Variants in ADGRL3 observed in about 807,000 individuals in gnomAD.
ADGRL3 encodes the protein adhesion G protein-coupled receptor L3.
ADGRL3 carries 62 observed loss-of-function variants against 153.5 expected under a neutral mutation model. The observed-to-expected ratio is 0.40, with a 90% CI of 0.33 to 0.50. ADGRL3 has a LOEUF of 0.50. ADGRL3 is among the 20% of genes least tolerant of loss of function. ADGRL3 has a pLI of 0.47. For synonymous variants in ADGRL3, 710 were observed against 672.5 expected, an observed-to-expected ratio of 1.06 and a Z score of -0.86; for missense variants, 1,641 against 1,859.4, an observed-to-expected ratio of 0.88 and a Z score of 2.16.
chr4:61,456,425 ATATC>A (rs1401075141), intron 2 of ADGRL3, among the ~76,000 whole-genome samples: 8 of 59,314 alleles, frequency 1.3e-4, no homozygotes, highest in East Asian at 8.6e-4. Flanking sequence ...AGATATATCT[ATATC>A]TATATATATA....
chr4:61,522,178 G>C (rs2098535391), intron 4 of ADGRL3, among the ~76,000 whole-genome samples: 1 of 152,026 alleles, frequency 6.6e-6, no homozygotes, highest in South Asian at 2.1e-4. Context: ...TCAGTTCTTA[G>C]TACAATGTTC....
intron 5 of ADGRL3, among the ~76,000 whole-genome samples, chr4:61,612,415 G>T (rs2091474903): frequency 6.6e-6 from 1 of 152,106 alleles, no homozygotes; most frequent in African/African-American, 2.4e-5. Context: ...ATGGTGAAAA[G>T]AATGATAGTT....
At chr4:61,865,622 A>C (rs911323470) in intron 9 of ADGRL3, among the ~76,000 whole-genome samples, 1 of 152,168 alleles carries the variant, frequency 6.6e-6, no homozygotes, top group Non-Finnish European at 1.5e-5. Context: ...AAATTTCTGA[A>C]CTTCATTTAA....
chr4:61,389,328 T>C (rs554000201), intron 2 of ADGRL3, among the ~76,000 whole-genome samples: 1 of 152,308 alleles, frequency 6.6e-6, no homozygotes, highest in South Asian at 2.1e-4. Flanking sequence ...AAATCAGGAA[T>C]GAGTCGCAGG....
chr4:61,205,836 T>A (rs1417669668), intron 1 of ADGRL3, among the ~76,000 whole-genome samples: 1 of 152,172 alleles, frequency 6.6e-6, no homozygotes, highest in Non-Finnish European at 1.5e-5. Flanking sequence ...GTGAGCATGC[T>A]TGTAAATAGC....
At chr4:61,977,691 A>C (rs2099053006) in intron 17 of ADGRL3, among the ~76,000 whole-genome samples, 1 of 152,206 alleles carries the variant, frequency 6.6e-6, no homozygotes, top group Non-Finnish European at 1.5e-5. Flanking sequence ...GCTTACTTCT[A>C]AGAATTTCCA....
intron 9 of ADGRL3, among the ~76,000 whole-genome samples, chr4:61,870,824 A>C (rs1055737163): frequency 4.6e-5 from 7 of 152,188 alleles, no homozygotes; most frequent in African/African-American, 1.7e-4. Flanking sequence ...AGAAATTGGA[A>C]CACTTACACA....
At chr4:62,048,414 C>T (rs1050184257) in intron 25 of ADGRL3, among the ~76,000 whole-genome samples, 2 of 151,950 alleles carry the variant, frequency 1.3e-5, no homozygotes, top group African/African-American at 4.8e-5. Context: ...AGACACACAC[C>T]ACCACACCCG....
chr4:61,536,106 A>T (rs539667594), intron 4 of ADGRL3, among the ~76,000 whole-genome samples: 4 of 152,068 alleles, frequency 2.6e-5, no homozygotes, highest in Admixed American at 2.6e-4. Flanking sequence ...TTTCTAAAAA[A>T]TTTTTGATTG....
intron 13 of ADGRL3, among the ~76,000 whole-genome samples, chr4:61,928,110 A>G (rs2098802135): frequency 6.6e-6 from 1 of 151,778 alleles, no homozygotes. Context: ...GAAATAATGC[A>G]TTCAGGAAAA....
At chr4:61,797,638 T>G (rs1454196516) in intron 8 of ADGRL3, among the ~76,000 whole-genome samples, 3 of 152,190 alleles carry the variant, frequency 2.0e-5, no homozygotes, top group Non-Finnish European at 2.9e-5. Context: ...TTATAACAGT[T>G]TATTTTTTAC....
intron 4 of ADGRL3, among the ~76,000 whole-genome samples, chr4:61,559,790 T>C (rs1252526393): frequency 1.3e-5 from 2 of 151,592 alleles, no homozygotes; most frequent in Non-Finnish European, 2.9e-5. Context: ...GAAGAAATAA[T>C]GGGGTACTTA....
rs925623496 is a variant in ADGRL3, at chr4:61,202,433, T to C, written c.-240+668T>C. On this transcript the variant is annotated intron_variant, in intron 1 of 26. Coordinates refer to ENST00000683033, the MANE Select transcript of ADGRL3 (RefSeq NM_001387552.1). The surrounding 1 kb of genome is among the most constrained non-coding windows in gnomAD (Gnocchi z 5.0). ...TTTAGACCTGCGTGCCCAGGCTTTG[T>C]TAGGCGGTTTTGGCTGGAGAAAGCT... Among the ~76,000 whole-genome samples, 9 of 152,122 alleles carry C rather than the reference T, an allele frequency of 5.9e-5. No homozygotes were observed. Among genetic ancestry groups the C allele is most frequent in the Non-Finnish European group, 1.3e-4 (9 of 68,014 alleles).
chr4:61,495,529 T>TGGAA (rs2098305528), intron 2 of ADGRL3, among the ~76,000 whole-genome samples: 1 of 149,186 alleles, frequency 6.7e-6, no homozygotes, highest in Non-Finnish European at 1.5e-5. Flanking sequence ...GGGAAGAGAA[T>TGGAA]GGAAGGAAGA....
chr4:61,226,729 C>T (rs1748132374), intron 1 of ADGRL3, among the ~76,000 whole-genome samples: 1 of 151,956 alleles, frequency 6.6e-6, no homozygotes, highest in African/African-American at 2.4e-5. Flanking sequence ...TGAAGGGTAG[C>T]TCAGGTGGGA....
In ADGRL3 at chr4:61,219,463, G is replaced by T. The variant is rs527669012; in HGVS notation, c.-240+17698G>T. 2.6e-5 allele frequency among the ~76,000 whole-genome samples: 4 copies of T among 152,168 alleles called. No individual in the cohort carries two copies. In the East Asian group the frequency reaches 5.8e-4, roughly 22 times the overall value. On this transcript the variant is annotated intron_variant, in intron 1 of 26. Transcript: ENST00000683033. Reference sequence around the variant, plus strand: ...AAACTGCATTTAATTTAATTAAGAAGGTTGAAACCACAAAGATCTTTCATT... The same window carrying T: ...AAACTGCATTTAATTTAATTAAGAATGTTGAAACCACAAAGATCTTTCATT...
intron 2 of ADGRL3, among the ~76,000 whole-genome samples, chr4:61,441,601 C>T (rs1012833878): frequency 3.3e-5 from 5 of 151,534 alleles, no homozygotes; most frequent in East Asian, 1.9e-4. Context: ...CTCACTGCAA[C>T]CTCTGCCTCC....
At chr4:61,614,468 A>G (rs1376261750) in intron 5 of ADGRL3, among the ~76,000 whole-genome samples, 3 of 152,160 alleles carry the variant, frequency 2.0e-5, no homozygotes, top group African/African-American at 7.2e-5. Flanking sequence ...GTGAGCAATC[A>G]GTTGGGATCC....
chr4:61,641,209 C>T (rs959025149), intron 5 of ADGRL3, among the ~76,000 whole-genome samples: 2 of 151,924 alleles, frequency 1.3e-5, no homozygotes, highest in Non-Finnish European at 2.9e-5. Context: ...TTCATGATTA[C>T]ATGATGTGAT....
Sources: allele counts gnomAD v4.1 joint callset (sites outside exome capture counted in the v4.1 genomes callset), GRCh38; gene constraint gnomAD v4.1.1; non-coding constraint Gnocchi (gnomAD v3.1); transcripts MANE v1.5; gene names NCBI Gene and HGNC (gene_info 2026-07-23, HGNC 2026-07-21).